Variants in ASB7 observed in about 807,000 individuals in gnomAD.
ASB7 encodes the protein ankyrin repeat and SOCS box containing 7.
ASB7 carries 4 observed loss-of-function variants against 32.5 expected under a neutral mutation model. The ratio of observed to expected loss-of-function variants is 0.12; its 90% CI spans 0.06 to 0.28. The LOEUF is 0.28. ASB7 is among the 10% of genes least tolerant of loss of function. The pLI is 1.00. For synonymous variants in ASB7, 172 were observed against 155.6 expected, an observed-to-expected ratio of 1.11 and a Z score of -0.78; for missense variants, 181 against 407.1, an observed-to-expected ratio of 0.44 and a Z score of 4.78.
intron 4 of ASB7, among the ~76,000 whole-genome samples, chr15:100,625,512 G>A (rs1019395877): frequency 1.3e-5 from 2 of 152,130 alleles, no homozygotes; most frequent in African/African-American, 2.4e-5. Context: ...CAAAAGATAT[G>A]CATGACGTAT....
intron 4 of ASB7, among the ~76,000 whole-genome samples, chr15:100,614,742 C>CAAAAAAAAAAAAAAAAAAAAAAAAAAAAA (rs58705118): frequency 1.7e-5 from 1 of 57,212 alleles, no homozygotes; most frequent in Admixed American, 1.6e-4. Context: ...AGCTGATGAG[C>CAAAAAAAAAAAAAAAAAAAAAAAAAAAAA]AAAAAAAAAA....
chr15:100,645,843 A>C, intron 5 of ASB7: 24 of 1,109,860 alleles, frequency 2.2e-5, no homozygotes, highest in Non-Finnish European at 2.7e-5. Context: ...CGCTAATTTC[A>C]TGGTCCCAAG....
chr15:100,630,902 T>G (rs1347094635), intron 5 of ASB7, among the ~76,000 whole-genome samples: 1 of 152,120 alleles, frequency 6.6e-6, no homozygotes, highest in Non-Finnish European at 1.5e-5. Context: ...ATGAGTTCCT[T>G]TTTCCTCACT....
At chr15:100,647,797 G>A (rs1479281833) in intron 5 of ASB7, among the ~76,000 whole-genome samples, 3 of 152,100 alleles carry the variant, frequency 2.0e-5, no homozygotes, top group Non-Finnish European at 4.4e-5. Flanking sequence ...CACAGAGACC[G>A]TGGTGGGTGT....
At position 100,650,375 on chromosome 15, in the gene ASB7, ACTGTT is replaced by A. The variant is rs1289606598; in HGVS notation, c.*1914_*1918del. 3 of 152,230 alleles carry A rather than the reference ACTGTT, an allele frequency of 2.0e-5. No individual in the cohort carries two copies. Among genetic ancestry groups the A allele is most frequent in the African/African-American group, 7.2e-5 (3 of 41,452 alleles). 9.4% of individuals were successfully genotyped at this position (152,230 alleles called of 1,614,324 possible). On this transcript the variant is annotated 3_prime_UTR_variant, in exon 6 of 6. Coordinates refer to ENST00000332783, the MANE Select transcript of ASB7 (RefSeq NM_198243.3). ...CAGGTCAGGGCTAGTTCACACTAGCACTGTTAGGGACATGGTGTGGCTAGAAATGA... is the reference window on the plus strand; with the variant it reads ...CAGGTCAGGGCTAGTTCACACTAGCAAGGGACATGGTGTGGCTAGAAATGA...
At chr15:100,621,411 G>C (rs1237413819) in intron 4 of ASB7, among the ~76,000 whole-genome samples, 1 of 152,120 alleles carries the variant, frequency 6.6e-6, no homozygotes, top group African/African-American at 2.4e-5. Flanking sequence ...AAGCAATTCA[G>C]TAATTAGAGT....
At chr15:100,626,908 A>G (rs186652594) in intron 4 of ASB7, among the ~76,000 whole-genome samples, 54 of 152,268 alleles carry the variant, frequency 3.5e-4, no homozygotes, top group Middle Eastern at 6.8e-3. Context: ...AACTTTTTTG[A>G]CCAGTGGTTT....
intron 5 of ASB7, among the ~76,000 whole-genome samples, chr15:100,632,861 A>C (rs116899124): frequency 6.8e-6 from 1 of 147,894 alleles, no homozygotes; most frequent in African/African-American, 2.5e-5. Flanking sequence ...TAGTGCAAAA[A>C]AAAAAAAAAA....
intron 5 of ASB7, among the ~76,000 whole-genome samples, chr15:100,631,704 G>A (rs892270021): frequency 2.0e-5 from 3 of 152,158 alleles, no homozygotes; most frequent in African/African-American, 7.2e-5. Flanking sequence ...CTGTGACCTT[G>A]GGCAGGTCGC....
chr15:100,608,869 A>G (rs974926548), intron 2 of ASB7, among the ~76,000 whole-genome samples: 1 of 152,220 alleles, frequency 6.6e-6, no homozygotes, highest in African/African-American at 2.4e-5. Context: ...TGCAGCCAGC[A>G]GGACATACAA....
At chr15:100,646,038 C>T (rs986882131) in intron 5 of ASB7, 17 of 420,120 alleles carry the variant, frequency 4.0e-5, no homozygotes, top group African/African-American at 3.1e-4. Flanking sequence ...AGATCCTTAG[C>T]ATCTTATCTC....
intron 5 of ASB7, among the ~76,000 whole-genome samples, chr15:100,637,782 G>A (rs2039934337): frequency 6.6e-6 from 1 of 152,200 alleles, no homozygotes; most frequent in African/African-American, 2.4e-5. Flanking sequence ...ATCTGAGTGA[G>A]GCTGGATTTT....
intron 5 of ASB7, among the ~76,000 whole-genome samples, chr15:100,645,095 G>A (rs934867752): frequency 6.6e-6 from 1 of 152,192 alleles, no homozygotes; most frequent in Non-Finnish European, 1.5e-5. Flanking sequence ...GAGGGATAAA[G>A]TACAAGAATA....
At chr15:100,623,196 C>T (rs938185084) in intron 4 of ASB7, among the ~76,000 whole-genome samples, 1 of 152,112 alleles carries the variant, frequency 6.6e-6, no homozygotes, top group African/African-American at 2.4e-5. Context: ...GCCAGGAGTT[C>T]AAGACCAGCT....
chr15:100,618,380 G>T (rs193060624), intron 4 of ASB7, among the ~76,000 whole-genome samples: 44 of 152,182 alleles, frequency 2.9e-4, no homozygotes, highest in South Asian at 8.3e-4. Context: ...CTCCCAAAGT[G>T]CTGGAATTAC....
chr15:100,645,335 T>G, intron 5 of ASB7: 1 of 231,614 alleles, frequency 4.3e-6, no homozygotes, highest in Non-Finnish European at 8.6e-6. Context: ...AAAGGCTGCT[T>G]TCTGCATCTG....
rs1237433994 is a variant in ASB7, at chr15:100,609,792, A to G, written c.-88A>G. ...TGTACGTGCACAATGGTTACTAGGC[A>G]ATCCGTACATCAGGAGAAGGGACAC... is the stretch of plus-strand genomic sequence containing the variant. On this transcript the variant is annotated 5_prime_UTR_variant, in exon 3 of 6. Transcript: ENST00000332783. The G allele has an allele frequency of 6.6e-6, 1 of 152,248 alleles. No homozygotes were observed. Among genetic ancestry groups the G allele is most frequent in the Non-Finnish European group, 1.5e-5 (1 of 68,042 alleles). 9.4% of individuals were successfully genotyped at this position (152,248 alleles called of 1,614,324 possible). A position where few individuals can be genotyped will look rare whatever the true frequency, so the allele number is the denominator to read the frequency against.
At chr15:100,609,671 A>T (rs1013632745) in intron 2 of ASB7, 36 bp from the exon 3 acceptor site, 1 of 152,182 alleles carries the variant, frequency 6.6e-6, no homozygotes, top group African/African-American at 2.4e-5. Context: ...TATTTTAAGG[A>T]ATTTTCCTAT....
rs774065633 is a variant in ASB7 at position 100,629,424 on chromosome 15, G to C, written c.212-13G>C. Reference sequence around the variant, plus strand: ...GGAGTCTGCTAATACTTTCATTTTGGTTTTAACTCCAGCTGATCCTACAGT... The same window carrying C: ...GGAGTCTGCTAATACTTTCATTTTGCTTTTAACTCCAGCTGATCCTACAGT... On this transcript the variant is annotated splice_polypyrimidine_tract_variant and intron_variant, in intron 4 of 5. Coordinates refer to ENST00000332783, the MANE Select transcript of ASB7 (RefSeq NM_198243.3). This position sits in a 1 kb window ranked among gnomAD's most constrained non-coding sequence, Gnocchi z 6.8. 1.3e-6 allele frequency: 2 copies of C among 1,594,432 alleles called. No homozygotes were observed. The highest frequency in any genetic ancestry group is 2.2e-5 in the East Asian group (1 of 44,592).
Sources: allele counts gnomAD v4.1 joint callset (sites outside exome capture counted in the v4.1 genomes callset), GRCh38; gene constraint gnomAD v4.1.1; non-coding constraint Gnocchi (gnomAD v3.1); transcripts MANE v1.5; gene names NCBI Gene and HGNC (gene_info 2026-07-23, HGNC 2026-07-21).